ARID1B: variants seen among roughly 807,000 people sequenced by gnomAD.
ARID1B encodes AT-rich interactive domain-containing protein 1B.
In ARID1B, 30 loss-of-function variants were observed where a neutral mutation model predicts 212.3. The ratio of observed to expected loss-of-function variants is 0.14; its 90% CI spans 0.11 to 0.19. The LOEUF is 0.19. Among genes scored for constraint, ARID1B ranks in the 10% least tolerant of loss-of-function variants. ARID1B has a pLI of 1.00. For missense variants in ARID1B, 2,891 were observed against 3,204.0 expected (o/e 0.90, Z 2.36); for synonymous variants, 1,402 against 1,301.7 (o/e 1.08, Z -1.66).
chr6:156,989,277 A>T (rs557407934), intron 4 of ARID1B, among the ~76,000 whole-genome samples: 1 of 152,134 alleles, frequency 6.6e-6, no homozygotes, highest in African/African-American at 2.4e-5. Flanking sequence ...ACAAAATTTC[A>T]CAACTTTGGC....
chr6:157,145,479 G>A (rs755342130), intron 7 of ARID1B, among the ~76,000 whole-genome samples: 4 of 152,202 alleles, frequency 2.6e-5, no homozygotes, highest in Admixed American at 6.5e-5. Flanking sequence ...TGCGTCGCCT[G>A]TAGGGAATAA....
At chr6:156,850,662 T>C (rs1445920269) in intron 2 of ARID1B, among the ~76,000 whole-genome samples, 1 of 152,178 alleles carries the variant, frequency 6.6e-6, no homozygotes, top group Non-Finnish European at 1.5e-5. Flanking sequence ...TTTCTGAAAA[T>C]ATGTTAGACT....
intron 5 of ARID1B, among the ~76,000 whole-genome samples, chr6:157,089,536 T>C (rs1458929782): frequency 6.6e-6 from 1 of 152,196 alleles, no homozygotes; most frequent in African/African-American, 2.4e-5. Context: ...TCTCCCTTTG[T>C]TTGCACATTC....
rs1164148507 is a variant in ARID1B at position 157,174,084 on chromosome 6, A to C, written c.3312A>C (p.Glu1104Asp). 1 of 1,614,212 alleles carries C rather than the reference A, an allele frequency of 6.2e-7. No individual in the cohort carries two copies. The highest frequency in any genetic ancestry group is 8.5e-7 in the Non-Finnish European group (1 of 1,180,026). Residue 1104 changes from glutamate (E) to aspartate (D), a missense_variant, in exon 10 of 20, where the codon GAA (glutamate) becomes GAC (aspartate). Glu to Asp is a conservative substitution (Grantham distance 45, BLOSUM62 2). Around this residue, in one of 7 missense-constraint regions of ARID1B, gnomAD observed 1,643 missense variants for 1,544.0 expected, o/e 1.06. Coordinates refer to ENST00000636930, the MANE Select transcript of ARID1B (RefSeq NM_001374828.1). The part of the protein sequence containing the change: ...LPLPLKADGK[E>D]EGTPQPESKS... ...TGCCTCTCAAAGCAGACGGCAAAGAAGAAGGCACTCCACAGCCCGAGAGCA... is the reference window on the plus strand; with the variant it reads ...TGCCTCTCAAAGCAGACGGCAAAGACGAAGGCACTCCACAGCCCGAGAGCA...
intron 4 of ARID1B, among the ~76,000 whole-genome samples, chr6:157,060,992 C>A (rs1363398203): frequency 1.3e-5 from 2 of 152,092 alleles, no homozygotes; most frequent in Non-Finnish European, 2.9e-5. Flanking sequence ...GCTCTGCCCA[C>A]TCCCCACCCC....
intron 1 of ARID1B, among the ~76,000 whole-genome samples, chr6:156,819,059 A>G (rs1055214379): frequency 2.6e-5 from 4 of 152,206 alleles, no homozygotes; most frequent in African/African-American, 9.6e-5. Flanking sequence ...ACTGAGGTGC[A>G]AGGAAGTTAA....
At chr6:157,064,367 G>A (rs1405095605) in intron 4 of ARID1B, among the ~76,000 whole-genome samples, 1 of 152,166 alleles carries the variant, frequency 6.6e-6, no homozygotes, top group Non-Finnish European at 1.5e-5. Context: ...CAGAACGCAT[G>A]TTTAGCTATG....
intron 6 of ARID1B, among the ~76,000 whole-genome samples, chr6:157,123,427 G>A (rs1179721770): frequency 6.6e-6 from 1 of 152,188 alleles, no homozygotes; most frequent in South Asian, 2.1e-4. Flanking sequence ...CCATTTATCT[G>A]GAAGGGCACA....
Position 157,207,865 on chromosome 6 carries a change from G to A in ARID1B, c.7093G>A (p.Val2365Ile), listed in dbSNP as rs1419417452. ...TCTGGTTGCATCTGTCATCTGTGAT[G>A]TACTGTTTCAGATTGGGCAGTTATG... The part of the protein sequence containing the change: ...NSLVASVICD[V>I]LFQIGQL Residue 2365 changes from valine (V) to isoleucine (I), a missense_variant, in exon 20 of 20, where the codon GTA becomes ATA. By Grantham distance (29) the Val-to-Ile change is conservative. Around this residue, in one of 7 missense-constraint regions of ARID1B, gnomAD observed 187 missense variants for 306.5 expected, o/e 0.61. Coordinates refer to ENST00000636930, the MANE Select transcript of ARID1B (RefSeq NM_001374828.1). The surrounding 1 kb of genome is among the most constrained non-coding windows in gnomAD (Gnocchi z 8.5). The A allele has an allele frequency of 6.6e-7, 1 of 1,507,434 alleles. No individual in the cohort carries two copies. The highest frequency in any genetic ancestry group is 8.9e-7 in the Non-Finnish European group (1 of 1,126,304). The allele number at this position is 1,507,434 out of a possible 1,614,324, so 93.4% of individuals were successfully genotyped here.
chr6:157,115,507 A>G (rs1787264085), intron 6 of ARID1B, among the ~76,000 whole-genome samples: 1 of 152,124 alleles, frequency 6.6e-6, no homozygotes, highest in South Asian at 2.1e-4. Context: ...GCTCACTGTG[A>G]GCTCCGCCTT....
intron 4 of ARID1B, among the ~76,000 whole-genome samples, chr6:157,004,119 G>A (rs1326708572): frequency 1.3e-5 from 2 of 152,034 alleles, no homozygotes; most frequent in African/African-American, 4.8e-5. Flanking sequence ...TGCCCAGGCT[G>A]GTCTCGAACT....
At position 156,829,385 on chromosome 6, in the gene ARID1B, C is replaced by T. The variant is rs759855548; in HGVS notation, c.1950C>T (p.Pro650=). The part of the protein sequence containing the change: ...RYPIGIQGRT[P]GAMAGMQYPQ... The stretch of plus-strand genomic sequence containing the variant: ...CAATTGGCATCCAGGGTCGGACTCC[C>T]GGGGCCATGGCCGGAATGCAGTACC... The change falls in exon 2 of 20, where the codon CCC becomes CCT. Residue 650 remains proline, a synonymous_variant. Transcript: ENST00000636930. 61 of 1,614,056 alleles carry T rather than the reference C, an allele frequency of 3.8e-5. No homozygotes were observed. The highest frequency in any genetic ancestry group is 6.7e-5 in the African/African-American group (5 of 74,932).
intron 1 of ARID1B, among the ~76,000 whole-genome samples, chr6:156,794,894 A>C (rs1284005618): frequency 6.6e-6 from 1 of 152,060 alleles, no homozygotes; most frequent in Non-Finnish European, 1.5e-5. Context: ...ACATTCTTAT[A>C]ATTCAGGAGC....
chr6:157,188,801 C>A (rs952810369), intron 13 of ARID1B, among the ~76,000 whole-genome samples: 4 of 152,118 alleles, frequency 2.6e-5, no homozygotes, highest in Non-Finnish European at 4.4e-5. Flanking sequence ...GATGATCTGG[C>A]GTGCTAAGGA....
Position 157,102,604 on chromosome 6 carries a change from CTTTTTTTTT to C in ARID1B, c.2492-7850_2492-7842del, listed in dbSNP as rs35977420. Among the ~76,000 whole-genome samples, 299 of 66,290 alleles carry C rather than the reference CTTTTTTTTT, an allele frequency of 4.5e-3. 1 individual carries two copies. Among genetic ancestry groups the C allele is most frequent in the African/African-American group, 0.016 (277 of 17,300 alleles). The allele number at this position is 66,290 out of a possible 152,430, so 43.5% of individuals were successfully genotyped here. A position where few individuals can be genotyped will look rare whatever the true frequency, so the allele number is the denominator to read the frequency against. On this transcript the variant is annotated intron_variant, in intron 5 of 19. Transcript: ENST00000636930. ...CAGCAAGTATTCCTCCTGAGTGGTT[CTTTTTTTTT>C]TTTTTTTTTTTTTTTTTGAGACGGA...
chr6:157,023,351 A>C (rs1308453969), intron 4 of ARID1B: 2 of 152,252 alleles, frequency 1.3e-5, no homozygotes, highest in East Asian at 3.8e-4. Context: ...GATGCAGGTC[A>C]GTGAATTTTG....
At chr6:157,082,894 G>A (rs1429765020) in intron 4 of ARID1B, among the ~76,000 whole-genome samples, 2 of 152,132 alleles carry the variant, frequency 1.3e-5, no homozygotes, top group African/African-American at 4.8e-5. Flanking sequence ...TTTTTCTATA[G>A]CATTTCTCTT....
At chr6:157,016,008 CAGG>C (rs1178089900) in intron 4 of ARID1B, among the ~76,000 whole-genome samples, 1 of 152,168 alleles carries the variant, frequency 6.6e-6, no homozygotes, top group African/African-American at 2.4e-5. Context: ...TCAGTTTGCT[CAGG>C]AGAAGGGTTG....
chr6:157,183,316 C>A (rs1792700789), intron 12 of ARID1B, among the ~76,000 whole-genome samples: 1 of 152,132 alleles, frequency 6.6e-6, no homozygotes, highest in African/African-American at 2.4e-5. Context: ...TATTATACAC[C>A]ACCGAGTACT....
Sources: gnomAD v4.1 joint callset for allele counts (sites outside exome capture counted in the v4.1 genomes callset) on GRCh38, gnomAD v4.1.1 for gene constraint, gnomAD v4.1.1 regional missense constraint, Gnocchi (gnomAD v3.1) non-coding constraint, MANE v1.5 for transcripts, NCBI Gene and HGNC (gene_info 2026-07-23, HGNC 2026-07-21) for gene names.